The following CACNG8 variants were observed in gnomAD, a reference collection of about 807,000 sequenced individuals.
CACNG8 encodes the protein voltage-dependent calcium channel gamma-8 subunit.
Under a neutral mutation model 26.9 loss-of-function variants are expected in CACNG8, and 5 were observed. The ratio of observed to expected loss-of-function variants is 0.19; its 90% CI spans 0.10 to 0.39. The LOEUF is 0.39. CACNG8 is among the 10% of genes least tolerant of loss of function. The probability of loss-of-function intolerance (pLI) is 1.00; values close to 1 mark genes in which losing one functional copy is unlikely to be tolerated. For missense variants in CACNG8, 473 were observed against 609.4 expected (o/e 0.78, Z 2.36); for synonymous variants, 321 against 296.7 (o/e 1.08, Z -0.84).
At chr19:53,981,817 G>A (rs1429613099) in intron 3 of CACNG8, among the ~76,000 whole-genome samples, 1 of 152,192 alleles carries the variant, frequency 6.6e-6, no homozygotes, top group Non-Finnish European at 1.5e-5. Context: ...GCCTGGGCCA[G>A]CTAAGAGTGG....
At chr19:53,975,374 A>G (rs1480469402) in intron 1 of CACNG8, among the ~76,000 whole-genome samples, 1 of 150,432 alleles carries the variant, frequency 6.6e-6, no homozygotes, top group Admixed American at 6.6e-5. Flanking sequence ...GGACCCATTC[A>G]ATCATTCTTT....
In CACNG8 at chr19:53,982,441, TCCCGGCGGC is replaced by T. The variant is rs1395639316; in HGVS notation, c.876_884del (p.Gly296_Gly298del). 7.2e-6 allele frequency: 11 copies of T among 1,517,770 alleles called. 1 individual carries two copies. The highest frequency in any genetic ancestry group is 9.6e-6 in the Non-Finnish European group (11 of 1,139,940). 94.0% of individuals were successfully genotyped at this position (1,517,770 alleles called of 1,614,324 possible). A position where few individuals can be genotyped will look rare whatever the true frequency, so the allele number is the denominator to read the frequency against. On this transcript the variant is annotated inframe_deletion, in exon 4 of 4. Coordinates refer to ENST00000270458, the MANE Select transcript of CACNG8 (RefSeq NM_031895.6). This position sits in a 1 kb window ranked among gnomAD's most constrained non-coding sequence, Gnocchi z 8.4. ...AGCCGTCGCCGTCGCGGGACGCGTC[TCCCGGCGGC>T]CCCGGGGGCCCGGGCTTTGCCTCCA...
rs149558646 is a variant in CACNG8, at chr19:53,981,047, T to C, written c.509-1033T>C. On this transcript the variant is annotated intron_variant, in intron 3 of 3. Coordinates refer to ENST00000270458, the MANE Select transcript of CACNG8 (RefSeq NM_031895.6). The stretch of plus-strand genomic sequence containing the variant: ...GGCCAAGATCCGCACGGGGCGGGGT[T>C]TGGTAAGCTGGAGGTGGGGCCTAGA... Among the ~76,000 whole-genome samples, 9 of 151,658 alleles carry C rather than the reference T, an allele frequency of 5.9e-5. No homozygotes were observed. In the East Asian group the frequency reaches 1.7e-3, roughly 29 times the overall value.
Position 53,982,889 on chromosome 19 carries a change from TGCGCGG to T in CACNG8, c.*46_*51del. The T allele has an allele frequency of 8.3e-7, 1 of 1,205,784 alleles. No individual in the cohort carries two copies. The highest frequency in any genetic ancestry group is 1.0e-6 in the Non-Finnish European group (1 of 968,202). The allele number at this position is 1,205,784 out of a possible 1,614,324, so 74.7% of individuals were successfully genotyped here. A position where few individuals can be genotyped will look rare whatever the true frequency, so the allele number is the denominator to read the frequency against. On this transcript the variant is annotated 3_prime_UTR_variant, in exon 4 of 4. Transcript: ENST00000270458. The surrounding 1 kb of genome is among the most constrained non-coding windows in gnomAD (Gnocchi z 8.4). The stretch of plus-strand genomic sequence containing the variant: ...AGCCGAGGGGCGTGTCCGGGGCGCG[TGCGCGG>T]GCGCGCGTGCATCGAGGCTGCCGGG...
Position 53,982,991 on chromosome 19 carries a change from C to T in CACNG8, c.*142C>T. 3 of 411,554 alleles carry T rather than the reference C, an allele frequency of 7.3e-6. No homozygotes were observed. Among genetic ancestry groups the T allele is most frequent in the East Asian group, 1.0e-4 (2 of 19,088 alleles). 25.5% of individuals were successfully genotyped at this position (411,554 alleles called of 1,614,324 possible). A position where few individuals can be genotyped will look rare whatever the true frequency, so the allele number is the denominator to read the frequency against. Reference sequence around the variant, plus strand: ...TGGGCCCGCCCCACGCCCACCCTCCCCGCCCCCCTCCCCCTCCGAAGCAGG... The same window carrying T: ...TGGGCCCGCCCCACGCCCACCCTCCTCGCCCCCCTCCCCCTCCGAAGCAGG... On this transcript the variant is annotated 3_prime_UTR_variant, in exon 4 of 4. Transcript: ENST00000270458. This position sits in a 1 kb window ranked among gnomAD's most constrained non-coding sequence, Gnocchi z 8.4.
At chr19:53,966,601 C>T (rs1187929107) in intron 1 of CACNG8, among the ~76,000 whole-genome samples, 1 of 151,842 alleles carries the variant, frequency 6.6e-6, no homozygotes, top group Non-Finnish European at 1.5e-5. Context: ...ACTATATTGC[C>T]CAGGCTGGTC....
chr19:53,970,882 T>C (rs1331856762), intron 1 of CACNG8, among the ~76,000 whole-genome samples: 1 of 142,456 alleles, frequency 7.0e-6, no homozygotes, highest in East Asian at 2.1e-4. Context: ...CAGTGAGCTG[T>C]GATTGTGCCA....
Position 53,963,063 on chromosome 19 carries a change from ACC to A in CACNG8, c.-72_-71del. 2.9e-6 allele frequency: 2 copies of A among 679,354 alleles called. No individual in the cohort carries two copies. Among genetic ancestry groups the A allele is most frequent in the East Asian group, 5.0e-5 (1 of 20,034 alleles). 42.1% of individuals were successfully genotyped at this position (679,354 alleles called of 1,614,324 possible). A position where few individuals can be genotyped will look rare whatever the true frequency, so the allele number is the denominator to read the frequency against. Reference sequence around the variant, plus strand: ...CCCCCCGCTTCTGCCTGCGCTGTGAACCCCCCCCCAGCCGCCGGCACGGCCCC... The same window carrying A: ...CCCCCCGCTTCTGCCTGCGCTGTGAACCCCCCCAGCCGCCGGCACGGCCCC... On this transcript the variant is annotated 5_prime_UTR_variant, in exon 1 of 4. Transcript: ENST00000270458.
intron 1 of CACNG8, among the ~76,000 whole-genome samples, chr19:53,976,868 T>G (rs371746027): frequency 1.3e-5 from 2 of 152,282 alleles, no homozygotes; most frequent in South Asian, 4.1e-4. Flanking sequence ...AGATAGGGTT[T>G]CACCATGTTG....
chr19:53,968,663 G>A (rs2069284782), intron 1 of CACNG8, among the ~76,000 whole-genome samples: 2 of 151,546 alleles, frequency 1.3e-5, no homozygotes, highest in South Asian at 4.2e-4. Flanking sequence ...AGCTACTCGG[G>A]AGGCTGAGGC....
intron 1 of CACNG8, among the ~76,000 whole-genome samples, chr19:53,974,332 G>A (rs1282270071): frequency 2.6e-5 from 4 of 152,258 alleles, no homozygotes; most frequent in African/African-American, 9.6e-5. Flanking sequence ...TATGTACATA[G>A]CACATGTTGT....
Position 53,982,131 on chromosome 19 carries a change from A to G in CACNG8, c.560A>G (p.Glu187Gly). The change falls in exon 4 of 4, where the codon GAG becomes GGG. Residue 187 changes from glutamate to glycine, a missense_variant. Physicochemically the swap from Glu to Gly is moderately conservative, Grantham distance 98 (BLOSUM62 -2). Coordinates refer to ENST00000270458, the MANE Select transcript of CACNG8 (RefSeq NM_031895.6). This position sits in a 1 kb window ranked among gnomAD's most constrained non-coding sequence, Gnocchi z 8.4. Reference sequence around the variant, plus strand: ...GTGTACATCTCCGCCAACGCGGGCGAGCCGGGCCCGAAGCGGGACGAGGAG... The same window carrying G: ...GTGTACATCTCCGCCAACGCGGGCGGGCCGGGCCCGAAGCGGGACGAGGAG... 6.2e-7 allele frequency: 1 copy of G among 1,610,318 alleles called. No homozygotes were observed. The highest frequency in any genetic ancestry group is 8.5e-7 in the Non-Finnish European group (1 of 1,178,404).
In CACNG8 at chr19:53,978,302, C is replaced by A. The variant is rs2069342228; in HGVS notation, c.367+73C>A. 1.4e-5 allele frequency: 17 copies of A among 1,196,926 alleles called. No homozygotes were observed. The South Asian group carries it at 1.9e-4, about 14-fold the overall frequency. The allele number at this position is 1,196,926 out of a possible 1,614,324, so 74.1% of individuals were successfully genotyped here. ...GCCTGGAAGGCGTCGGGGTGGGTGC[C>A]GGGAAAAGGCACTGGGACTCCGGCA... On this transcript the variant is annotated intron_variant, in intron 2 of 3. Transcript: ENST00000270458.
rs2069429479 is a variant in CACNG8 at position 53,989,695 on chromosome 19, G to A, written c.*6846G>A. 1 of 152,240 alleles carries A rather than the reference G, an allele frequency of 6.6e-6. No individual in the cohort carries two copies. The highest frequency in any genetic ancestry group is 1.5e-5 in the Non-Finnish European group (1 of 68,064). The allele number at this position is 152,240 out of a possible 1,614,324, so 9.4% of individuals were successfully genotyped here. A position where few individuals can be genotyped will look rare whatever the true frequency, so the allele number is the denominator to read the frequency against. On this transcript the variant is annotated 3_prime_UTR_variant, in exon 4 of 4. Coordinates refer to ENST00000270458, the MANE Select transcript of CACNG8 (RefSeq NM_031895.6). ...CAGGCCCCTCCCCTAGCTGGGGCGGGGATGTCTGTGTGCCATCATCTCACT... is the reference window on the plus strand; with the variant it reads ...CAGGCCCCTCCCCTAGCTGGGGCGGAGATGTCTGTGTGCCATCATCTCACT...
At chr19:53,964,344 C>A (rs761171553) in intron 1 of CACNG8, among the ~76,000 whole-genome samples, 43 of 151,942 alleles carry the variant, frequency 2.8e-4, no homozygotes, top group Non-Finnish European at 4.4e-4. Flanking sequence ...TCACTCATGA[C>A]TTTCTCTCTT....
chr19:53,978,105 T>G (rs1391007992), intron 1 of CACNG8, 41 bp from the exon 2 acceptor site: 31 of 934,420 alleles, frequency 3.3e-5, no homozygotes, highest in Middle Eastern at 2.3e-4. Context: ...CCCCCAACCC[T>G]GAAGTATCCG....
intron 1 of CACNG8, among the ~76,000 whole-genome samples, chr19:53,967,122 G>A (rs914206773): frequency 6.6e-5 from 10 of 152,108 alleles, no homozygotes; most frequent in South Asian, 2.1e-4. Flanking sequence ...TGCCAGCAGC[G>A]CCCTTCCCAG....
At chr19:53,970,189 G>A (rs1273087389) in intron 1 of CACNG8, among the ~76,000 whole-genome samples, 3 of 152,208 alleles carry the variant, frequency 2.0e-5, no homozygotes, top group Non-Finnish European at 4.4e-5. Context: ...AGTGGCGGGC[G>A]CCTGTGGTCC....
chr19:53,964,657 C>T (rs962578439), intron 1 of CACNG8, among the ~76,000 whole-genome samples: 1 of 152,140 alleles, frequency 6.6e-6, no homozygotes, highest in East Asian at 1.9e-4. Context: ...GGCTCCCTGG[C>T]TCTCGACTTC....
Sources: allele counts gnomAD v4.1 joint callset (sites outside exome capture counted in the v4.1 genomes callset), GRCh38; gene constraint gnomAD v4.1.1; non-coding constraint Gnocchi (gnomAD v3.1); transcripts MANE v1.5; gene names NCBI Gene and HGNC (gene_info 2026-07-23, HGNC 2026-07-21).